CTCF: variants seen among roughly 807,000 people sequenced by gnomAD.
The protein encoded by CTCF is transcriptional repressor CTCF.
CTCF carries 7 observed loss-of-function variants against 72.3 expected under a neutral mutation model. The ratio of observed to expected loss-of-function variants is 0.10; its 90% CI spans 0.06 to 0.18. CTCF has a LOEUF of 0.18. Ranked by LOEUF, CTCF falls within the 10% of genes least tolerant of loss-of-function variation. CTCF has a pLI of 1.00. For synonymous variants in CTCF, 374 were observed against 315.8 expected (o/e 1.18, Z -1.95); for missense variants, 516 against 949.1 (o/e 0.54, Z 6.00).
chr16:67,634,775 C>T (rs1249140500), intron 10 of CTCF, among the ~76,000 whole-genome samples: 13 of 151,528 alleles, frequency 8.6e-5, no homozygotes, highest in Admixed American at 8.6e-4. Context: ...GTGATCTCAG[C>T]TCACTGCAAC....
intron 2 of CTCF, among the ~76,000 whole-genome samples, chr16:67,580,495 A>G (rs2142739550): frequency 6.6e-6 from 1 of 151,918 alleles, no homozygotes. Flanking sequence ...GTGAGCCACC[A>G]TGCCCAGCTT....
intron 2 of CTCF, among the ~76,000 whole-genome samples, chr16:67,609,862 G>C (rs989048747): frequency 6.6e-6 from 1 of 152,018 alleles, no homozygotes; most frequent in African/African-American, 2.4e-5. Context: ...CTGACCTCCG[G>C]TAATCTGCCC....
chr16:67,618,812 A>G (rs1289976776), intron 5 of CTCF, among the ~76,000 whole-genome samples: 1 of 152,268 alleles, frequency 6.6e-6, no homozygotes, highest in Non-Finnish European at 1.5e-5. Flanking sequence ...TATGAAATGT[A>G]CATGAAGAAA....
intron 1 of CTCF, chr16:67,570,882 G>A (rs2051409756): frequency 6.6e-6 from 1 of 151,606 alleles, no homozygotes; most frequent in Non-Finnish European, 1.5e-5. Flanking sequence ...TAAGATTACT[G>A]GTGTGAGCCT....
At chr16:67,637,613 T>C in intron 11 of CTCF, 75 bp from the exon 12 acceptor site, 1 of 1,276,108 alleles carries the variant, frequency 7.8e-7, no homozygotes, top group South Asian at 1.4e-5. Flanking sequence ...TCCCGTTCGC[T>C]GTCAGTCTAA....
At chr16:67,573,004 G>A (rs913902914) in intron 2 of CTCF, among the ~76,000 whole-genome samples, 2 of 118,470 alleles carry the variant, frequency 1.7e-5, no homozygotes, top group African/African-American at 6.7e-5. Context: ...TGTAATCCCA[G>A]AACTTTGGGA....
rs554462749 is a variant in CTCF, at chr16:67,584,136, C to T, written c.-10+12872C>T. On this transcript the variant is annotated intron_variant, in intron 2 of 11. Coordinates refer to ENST00000264010, the MANE Select transcript of CTCF (RefSeq NM_006565.4). ...CCTGTAATCCCAGCACTTTGGAGGCCGAAGTGGGTGGATCACCTGAGGTCA... is the reference window on the plus strand; with the variant it reads ...CCTGTAATCCCAGCACTTTGGAGGCTGAAGTGGGTGGATCACCTGAGGTCA... Among the ~76,000 whole-genome samples the T allele has an allele frequency of 1.3e-4, 19 of 151,586 alleles. No homozygotes were observed. The South Asian group carries it at 3.3e-3, about 27-fold the overall frequency.
intron 10 of CTCF, among the ~76,000 whole-genome samples, chr16:67,635,083 GC>G (rs1850855580): frequency 6.6e-6 from 1 of 151,786 alleles, no homozygotes; most frequent in Non-Finnish European, 1.5e-5. Flanking sequence ...GTGCAGTGGC[GC>G]AATCTTGGCT....
At chr16:67,585,644 C>T (rs2051659507) in intron 2 of CTCF, among the ~76,000 whole-genome samples, 1 of 152,056 alleles carries the variant, frequency 6.6e-6, no homozygotes, top group African/African-American at 2.4e-5. Flanking sequence ...TTTTTCCAAC[C>T]ACTACTTTTT....
chr16:67,608,384 TC>T (rs1419934755), intron 2 of CTCF, among the ~76,000 whole-genome samples: 1 of 152,110 alleles, frequency 6.6e-6, no homozygotes, highest in Non-Finnish European at 1.5e-5. Flanking sequence ...CTCAGGGAAT[TC>T]CTGATCTCAT....
In CTCF at chr16:67,638,385, T is replaced by A. The variant is rs1160703525; in HGVS notation, c.*513T>A. 3 of 226,312 alleles carry A rather than the reference T, an allele frequency of 1.3e-5. No individual in the cohort carries two copies. The highest frequency in any genetic ancestry group is 2.6e-5 in the Non-Finnish European group (3 of 113,742). The allele number at this position is 226,312 out of a possible 1,614,324, so 14.0% of individuals were successfully genotyped here. A position where few individuals can be genotyped will look rare whatever the true frequency, so the allele number is the denominator to read the frequency against. ...CGATCAGGTTCTGTCCTGAAAGCTT[T>A]GCCTCTTTCTTGGCAAAGTTTCTGG... On this transcript the variant is annotated 3_prime_UTR_variant, in exon 12 of 12. Coordinates refer to ENST00000264010, the MANE Select transcript of CTCF (RefSeq NM_006565.4).
intron 2 of CTCF, among the ~76,000 whole-genome samples, chr16:67,585,932 T>C (rs1367031071): frequency 1.3e-5 from 2 of 152,210 alleles, no homozygotes; most frequent in Non-Finnish European, 2.9e-5. Flanking sequence ...TTGTCTTTAT[T>C]GTGTCTTTTG....
At chr16:67,602,077 T>C (rs2051899523) in intron 2 of CTCF, among the ~76,000 whole-genome samples, 1 of 152,170 alleles carries the variant, frequency 6.6e-6, no homozygotes, top group South Asian at 2.1e-4. Flanking sequence ...TAGGTCAGGC[T>C]GGTCGTGAAC....
intron 2 of CTCF, among the ~76,000 whole-genome samples, chr16:67,599,858 CCAAACA>C (rs1411027885): frequency 1.3e-5 from 2 of 152,120 alleles, no homozygotes; most frequent in Non-Finnish European, 2.9e-5. Context: ...AAGGTGACAG[CCAAACA>C]TTAGTAGATC....
intron 2 of CTCF, among the ~76,000 whole-genome samples, chr16:67,607,217 A>G (rs964503962): frequency 1.3e-5 from 2 of 152,054 alleles, no homozygotes; most frequent in Admixed American, 6.6e-5. Flanking sequence ...TCGGCCTCCC[A>G]AAATGCTGGG....
rs151017109 is a variant in CTCF, at chr16:67,629,388, T to C, written c.1702-10T>C. The stretch of plus-strand genomic sequence containing the variant: ...AGTGGTGTGAAAGAGGATTTTGTTC[T>C]TTTTGTTAGAATACCATGGCAAGAC... On this transcript the variant is annotated splice_polypyrimidine_tract_variant and intron_variant, in intron 9 of 11. Coordinates refer to ENST00000264010, the MANE Select transcript of CTCF (RefSeq NM_006565.4). 9.2e-4 allele frequency: 1,459 copies of C among 1,593,208 alleles called. 9 individuals are homozygous for C. In the African/African-American group the frequency reaches 0.012, roughly 13 times the overall value.
Sources: gnomAD v4.1 joint callset for allele counts (sites outside exome capture counted in the v4.1 genomes callset) on GRCh38, gnomAD v4.1.1 for gene constraint, MANE v1.5 for transcripts, NCBI Gene and HGNC (gene_info 2026-07-23, HGNC 2026-07-21) for gene names.